The following CCDC15 variants were observed in gnomAD, a reference collection of about 807,000 sequenced individuals.
CCDC15 encodes the protein coiled-coil domain containing 15.
A neutral mutation model predicts 114.5 loss-of-function variants in CCDC15; 105 were observed. The ratio of observed to expected loss-of-function variants is 0.92; its 90% CI spans 0.78 to 1.08. The LOEUF is 1.08. CCDC15 is among the 50% of genes least tolerant of loss of function. The pLI is 0.00. For missense variants in CCDC15, 1,105 were observed against 1,093.6 expected, an observed-to-expected ratio of 1.01 and a Z score of -0.15; for synonymous variants, 334 against 377.8, an observed-to-expected ratio of 0.88 and a Z score of 1.34.
chr11:124,998,443 C>T (rs1399060555), intron 11 of CCDC15, among the ~76,000 whole-genome samples: 2 of 152,090 alleles, frequency 1.3e-5, no homozygotes, highest in East Asian at 3.8e-4. Context: ...TTAAATATTA[C>T]TTAATTTCAT....
chr11:125,016,368 A>G (rs187504017), intron 13 of CCDC15, among the ~76,000 whole-genome samples: 2 of 152,308 alleles, frequency 1.3e-5, no homozygotes, highest in Admixed American at 1.3e-4. Flanking sequence ...TGTTGCAATA[A>G]AAAAGTATGT....
At chr11:124,973,791 A>G (rs1340222597) in intron 4 of CCDC15, among the ~76,000 whole-genome samples, 3 of 151,624 alleles carry the variant, frequency 2.0e-5, no homozygotes, top group Admixed American at 6.6e-5. Context: ...CACTACAGCA[A>G]ATTTTTTTTG....
intron 12 of CCDC15, among the ~76,000 whole-genome samples, chr11:125,004,732 A>G (rs1182970568): frequency 1.3e-5 from 2 of 151,982 alleles, no homozygotes; most frequent in Non-Finnish European, 2.9e-5. Flanking sequence ...CTTTTGTGAT[A>G]CTGTTTTAAT....
chr11:124,958,147 AATG>A (rs1268392080), intron 2 of CCDC15, among the ~76,000 whole-genome samples: 1 of 152,228 alleles, frequency 6.6e-6, no homozygotes, highest in East Asian at 1.9e-4. Context: ...GATCCATAAT[AATG>A]ATAAGTGCTG....
At chr11:125,028,262 A>G (rs73022313) in intron 13 of CCDC15, among the ~76,000 whole-genome samples, 1,849 of 152,182 alleles carry the variant, frequency 0.012, 14 homozygotes, top group Non-Finnish European at 0.02. Context: ...TTGTTTTCAT[A>G]TGAATGTTAG....
intron 13 of CCDC15, among the ~76,000 whole-genome samples, chr11:125,035,919 T>C (rs1181604736): frequency 6.6e-6 from 1 of 152,136 alleles, no homozygotes; most frequent in African/African-American, 2.4e-5. Context: ...TGTTTCTACT[T>C]ATATTTTATT....
chr11:125,023,297 A>T (rs924055451), intron 13 of CCDC15, among the ~76,000 whole-genome samples: 3 of 152,016 alleles, frequency 2.0e-5, no homozygotes, highest in Non-Finnish European at 4.4e-5. Flanking sequence ...ACAAACAACG[A>T]AAGAGAAGAT....
At chr11:125,038,375 T>G in intron 13 of CCDC15, 56 bp from the exon 14 acceptor site, 1 of 1,149,938 alleles carries the variant, frequency 8.7e-7, no homozygotes, top group Non-Finnish European at 1.2e-6. Context: ...ATAAAGAAGC[T>G]AATTTTAAAT....
At chr11:125,015,727 C>G (rs1030249082) in intron 13 of CCDC15, among the ~76,000 whole-genome samples, 1 of 152,142 alleles carries the variant, frequency 6.6e-6, no homozygotes, top group Non-Finnish European at 1.5e-5. Context: ...GAATATTTCT[C>G]AAATAAAGCA....
intron 8 of CCDC15, 95 bp downstream of exon 8, chr11:124,988,229 A>G (rs1259306623): frequency 1.5e-6 from 2 of 1,302,732 alleles, no homozygotes; most frequent in African/African-American, 3.0e-5. Flanking sequence ...CCTTGGAGAT[A>G]CTGTGGGTTC....
chr11:125,003,843 T>G, intron 11 of CCDC15, 24 bp from the exon 12 acceptor site: 1 of 1,409,126 alleles, frequency 7.1e-7, no homozygotes, highest in South Asian at 1.4e-5. Flanking sequence ...TTTGTCACTT[T>G]GTGTGACTGG....
chr11:124,961,233 A>G (rs1947652719), intron 4 of CCDC15, among the ~76,000 whole-genome samples: 2 of 152,220 alleles, frequency 1.3e-5, no homozygotes, highest in Admixed American at 1.3e-4. Flanking sequence ...TCATCTGTTT[A>G]ATACAAAAAT....
chr11:124,966,817 G>A (rs1256524824), intron 4 of CCDC15, among the ~76,000 whole-genome samples: 1 of 152,210 alleles, frequency 6.6e-6, no homozygotes, highest in Non-Finnish European at 1.5e-5. Context: ...TCCTTCAGGA[G>A]CTCTTGTAAG....
Position 125,005,136 on chromosome 11 carries a change from C to G in CCDC15, c.2335C>G (p.Arg779Gly). The change falls in exon 13 of 16, where the codon CGA becomes GGA. Residue 779 changes from arginine (R) to glycine (G), a missense_variant. Coordinates refer to ENST00000344762, the MANE Select transcript of CCDC15 (RefSeq NM_025004.3). Reference sequence around the variant, plus strand: ...TCAAAAGCAGTACCTGAGACATAGACGACTTTTCATGGATATTGAGAGAGA... The same window carrying G: ...TCAAAAGCAGTACCTGAGACATAGAGGACTTTTCATGGATATTGAGAGAGA... ...ERQKQYLRHR[R>G]LFMDIEREQV... The G allele has an allele frequency of 1.3e-6, 2 of 1,555,750 alleles. No homozygotes were observed. The highest frequency in any genetic ancestry group is 1.7e-6 in the Non-Finnish European group (2 of 1,144,370).
chr11:125,012,144 G>A lies in CCDC15; in HGVS notation c.2411+6932G>A, dbSNP rs1394788885. On this transcript the variant is annotated intron_variant, in intron 13 of 15. Coordinates refer to ENST00000344762, the MANE Select transcript of CCDC15 (RefSeq NM_025004.3). Reference sequence around the variant, plus strand: ...TGTGTATACCCTAAAAACAGCCTTGGAAAGTTTGAGTAAAGAATTCCAGGG... The same window carrying A: ...TGTGTATACCCTAAAAACAGCCTTGAAAAGTTTGAGTAAAGAATTCCAGGG... Among the ~76,000 whole-genome samples the A allele has an allele frequency of 2.6e-5, 4 of 152,168 alleles. No homozygotes were observed. The East Asian group carries it at 7.7e-4, about 29-fold the overall frequency.
At chr11:125,020,090 T>C (rs183001951) in intron 13 of CCDC15, among the ~76,000 whole-genome samples, 2 of 151,958 alleles carry the variant, frequency 1.3e-5, no homozygotes, top group East Asian at 3.9e-4. Context: ...AATCATGGAA[T>C]TGGGAGACAA....
At chr11:125,015,985 A>G (rs745568809) in intron 13 of CCDC15, among the ~76,000 whole-genome samples, 30 of 152,214 alleles carry the variant, frequency 2.0e-4, no homozygotes, top group Non-Finnish European at 2.9e-4. Flanking sequence ...TTTTTGCAGC[A>G]ACAGCAATCA....
rs762942982 is a variant in CCDC15 at position 124,987,217 on chromosome 11, G to C, written c.991G>C (p.Glu331Gln). The change falls in exon 8 of 16, where the codon GAA (glutamate) becomes CAA (glutamine). Residue 331 changes from glutamate to glutamine, a missense_variant. Glu to Gln is a conservative substitution (Grantham distance 29, BLOSUM62 2). Coordinates refer to ENST00000344762, the MANE Select transcript of CCDC15 (RefSeq NM_025004.3). ...TGAGGGCCTTCAGGATATTCTGCCA[G>C]AAGCCCAGGATTATTTTCTAGAAGC... is the stretch of plus-strand genomic sequence containing the variant. Reference protein sequence around the residue: ...HFEGLQDILPEAQDYFLEAQG... With the variant: ...HFEGLQDILPQAQDYFLEAQG... The C allele has an allele frequency of 6.5e-7, 1 of 1,541,776 alleles. No individual in the cohort carries two copies. The highest frequency in any genetic ancestry group is 1.4e-5 in the African/African-American group (1 of 72,218).
chr11:124,955,743 G>A (rs1206469919), intron 2 of CCDC15, among the ~76,000 whole-genome samples: 3 of 152,146 alleles, frequency 2.0e-5, no homozygotes, highest in Non-Finnish European at 2.9e-5. Context: ...AATGAGATGT[G>A]TTTAAATGTT....
Sources: gnomAD v4.1 joint callset for allele counts (sites outside exome capture counted in the v4.1 genomes callset) on GRCh38, gnomAD v4.1.1 for gene constraint, MANE v1.5 for transcripts, NCBI Gene and HGNC (gene_info 2026-07-23, HGNC 2026-07-21) for gene names.